Variants in CHST3 observed in about 807,000 individuals in gnomAD.
CHST3 encodes carbohydrate sulfotransferase 3.
In CHST3, 20 loss-of-function variants were observed where a neutral mutation model predicts 35.4. The ratio of observed to expected loss-of-function variants is 0.57; its 90% CI spans 0.40 to 0.82. The LOEUF (loss-of-function observed/expected upper bound fraction) is 0.82, where lower values mean the gene tolerates loss of function less well. CHST3 is among the 40% of genes least tolerant of loss of function. The pLI is 0.00. For synonymous variants in CHST3, 334 were observed against 295.9 expected (o/e 1.13, Z -1.32); for missense variants, 693 against 670.1 (o/e 1.03, Z -0.38).
chr10:72,005,646 G>A, intron 1 of CHST3, 90 bp from the exon 2 acceptor site: 1 of 660,668 alleles, frequency 1.5e-6, no homozygotes, highest in Non-Finnish European at 2.6e-6. Context: ...CTGCTAACCA[G>A]GGCCGAGATC....
intron 1 of CHST3, among the ~76,000 whole-genome samples, chr10:71,997,686 T>A (rs1195344789): frequency 1.3e-5 from 2 of 150,706 alleles, no homozygotes; most frequent in African/African-American, 4.9e-5. Context: ...CCATAAATTT[T>A]TTTTTTTTTT....
intron 1 of CHST3, among the ~76,000 whole-genome samples, chr10:71,984,491 G>T (rs1266470569): frequency 6.6e-6 from 1 of 152,174 alleles, no homozygotes; most frequent in African/African-American, 2.4e-5. Context: ...CCACAAGTTG[G>T]TGACAGGTCC....
At chr10:71,982,070 C>T (rs1218659473) in intron 1 of CHST3, among the ~76,000 whole-genome samples, 1 of 152,320 alleles carries the variant, frequency 6.6e-6, no homozygotes, top group African/African-American at 2.4e-5. Flanking sequence ...CAGATGTCCA[C>T]GTATGAGCCA....
chr10:71,988,656 A>C (rs878857780), intron 1 of CHST3, among the ~76,000 whole-genome samples: 1 of 152,208 alleles, frequency 6.6e-6, no homozygotes, highest in Admixed American at 6.5e-5. Flanking sequence ...AGAGCCAATT[A>C]AACTGCTTTT....
intron 1 of CHST3, among the ~76,000 whole-genome samples, chr10:72,000,025 T>C (rs1839977010): frequency 6.6e-6 from 1 of 152,232 alleles, no homozygotes; most frequent in African/African-American, 2.4e-5. Flanking sequence ...GTGTGAAGTT[T>C]TGCCCACAGT....
intron 1 of CHST3, among the ~76,000 whole-genome samples, chr10:71,992,882 G>A (rs1839910775): frequency 1.3e-5 from 2 of 151,734 alleles, no homozygotes; most frequent in African/African-American, 4.8e-5. Flanking sequence ...GGCTGGTCTT[G>A]AACTCCTGAT....
chr10:71,981,822 C>T (rs1363203160), intron 1 of CHST3, among the ~76,000 whole-genome samples: 2 of 152,226 alleles, frequency 1.3e-5, no homozygotes, highest in Non-Finnish European at 2.9e-5. Flanking sequence ...CCCCTGGCTG[C>T]CCAGTAGTCT....
Position 72,008,312 on chromosome 10 carries a change from G to T in CHST3, c.1281G>T (p.Lys427Asn), listed in dbSNP as rs1211887596. The change falls in exon 3 of 3, where the codon AAG becomes AAT. Residue 427 changes from lysine to asparagine, a missense_variant. Transcript: ENST00000373115. ...AGAACTCCTCGGAGCAGTTCGAGAA[G>T]TGGCGCTTCAGCATGCCCTTCAAGC... is the stretch of plus-strand genomic sequence containing the variant. ...TQKNSSEQFE[K>N]WRFSMPFKLA... The T allele has an allele frequency of 6.3e-7, 1 of 1,582,362 alleles. No homozygotes were observed. The highest frequency in any genetic ancestry group is 2.3e-5 in the East Asian group (1 of 43,216).
At position 72,007,984 on chromosome 10, in the gene CHST3, A is replaced by G. The variant is rs1023609671; in HGVS notation, c.953A>G (p.Tyr318Cys). ...ASRMVAFAGKYKTWKKWLDDE... is the reference protein window; with the variant it reads ...ASRMVAFAGKCKTWKKWLDDE... ...CGCATGGTGGCCTTCGCCGGCAAGTATAAGACCTGGAAGAAGTGGCTGGAC... is the reference window on the plus strand; with the variant it reads ...CGCATGGTGGCCTTCGCCGGCAAGTGTAAGACCTGGAAGAAGTGGCTGGAC... Residue 318 changes from tyrosine (Y) to cysteine (C), a missense_variant, in exon 3 of 3, where the codon TAT (tyrosine) becomes TGT (cysteine). Transcript: ENST00000373115. The G allele has an allele frequency of 1.3e-6, 2 of 1,549,434 alleles. No individual in the cohort carries two copies. Among genetic ancestry groups the G allele is most frequent in the East Asian group, 2.4e-5 (1 of 40,856 alleles).
chr10:71,992,658 CTTTTT>C (rs57408244), intron 1 of CHST3, among the ~76,000 whole-genome samples: 1 of 111,416 alleles, frequency 9.0e-6, no homozygotes, highest in Non-Finnish European at 1.9e-5. Context: ...ATGGAATATT[CTTTTT>C]TTTTTTTTTT....
intron 1 of CHST3, among the ~76,000 whole-genome samples, chr10:72,001,556 C>G (rs905344697): frequency 6.6e-6 from 1 of 152,072 alleles, no homozygotes; most frequent in Non-Finnish European, 1.5e-5. Flanking sequence ...TCACTGCAAC[C>G]TCCACCTCTC....
chr10:72,004,518 C>G (rs548531541), intron 1 of CHST3, among the ~76,000 whole-genome samples: 1 of 151,982 alleles, frequency 6.6e-6, no homozygotes, highest in Non-Finnish European at 1.5e-5. Context: ...TTTTTTCTTT[C>G]GTTAATTTTT....
Sources: gnomAD v4.1 joint callset for allele counts (sites outside exome capture counted in the v4.1 genomes callset) on GRCh38, gnomAD v4.1.1 for gene constraint, MANE v1.5 for transcripts, NCBI Gene and HGNC (gene_info 2026-07-23, HGNC 2026-07-21) for gene names.